The following INSR variants were observed in gnomAD, a reference collection of about 807,000 sequenced individuals.
The protein encoded by INSR is insulin receptor.
Under a neutral mutation model 142.6 loss-of-function variants are expected in INSR, and 67 were observed. That is an observed-to-expected ratio of 0.47 (90% confidence interval 0.39 to 0.58). The LOEUF (loss-of-function observed/expected upper bound fraction) is 0.58. Ranked by LOEUF, INSR falls within the 20% of genes least tolerant of loss-of-function variation. The pLI is 0.00. For missense variants in INSR, 1,248 were observed against 1,833.2 expected, an observed-to-expected ratio of 0.68 and a Z score of 5.83; for synonymous variants, 756 against 743.1, an observed-to-expected ratio of 1.02 and a Z score of -0.28.
At chr19:7,127,623 T>C (rs1972677457) in intron 15 of INSR, among the ~76,000 whole-genome samples, 1 of 152,194 alleles carries the variant, frequency 6.6e-6, no homozygotes, top group Non-Finnish European at 1.5e-5. Context: ...TGTCTACAGC[T>C]TGAATTTAGA....
intron 1 of INSR, among the ~76,000 whole-genome samples, chr19:7,285,943 T>G (rs894359072): frequency 5.3e-5 from 8 of 152,170 alleles, no homozygotes; most frequent in Non-Finnish European, 1.2e-4. Context: ...ATGGTACACC[T>G]TTAAAAAGCC....
At chr19:7,272,033 A>G (rs901575696) in intron 1 of INSR, among the ~76,000 whole-genome samples, 1 of 152,082 alleles carries the variant, frequency 6.6e-6, no homozygotes, top group Non-Finnish European at 1.5e-5. Context: ...GGCTGGCCGC[A>G]GTGGCTCACG....
At chr19:7,201,906 C>T (rs1238155721) in intron 2 of INSR, among the ~76,000 whole-genome samples, 1 of 152,004 alleles carries the variant, frequency 6.6e-6, no homozygotes, top group Non-Finnish European at 1.5e-5. Flanking sequence ...CGTGATCCAC[C>T]CGCCTCGGCC....
At chr19:7,206,180 G>C (rs534005830) in intron 2 of INSR, among the ~76,000 whole-genome samples, 25 of 126,918 alleles carry the variant, frequency 2.0e-4, no homozygotes, top group African/African-American at 5.7e-4. Context: ...CCCTCAGGGA[G>C]TTGAGAGACA....
chr19:7,173,397 C>T (rs2144957770), intron 4 of INSR, among the ~76,000 whole-genome samples: 1 of 152,042 alleles, frequency 6.6e-6, no homozygotes, highest in East Asian at 1.9e-4. Context: ...CGGCTCACTG[C>T]AACCTCTGCC....
rs570876105 is a variant in INSR at position 7,260,029 on chromosome 19, G to A, written c.652+7316C>T. Among the ~76,000 whole-genome samples, 7 of 151,952 alleles carry A rather than the reference G, an allele frequency of 4.6e-5. No individual in the cohort carries two copies. The East Asian group carries it at 1.4e-3, about 29-fold the overall frequency. ...AAATGTAAAAAAATAAAATATCAAG[G>A]CAAACTTTTTAAATGGAAGAAGAAA... On this transcript the variant is annotated intron_variant, in intron 2 of 21. Transcript: ENST00000302850.
chr19:7,129,234 A>T (rs1347227531), intron 14 of INSR, among the ~76,000 whole-genome samples: 1 of 152,140 alleles, frequency 6.6e-6, no homozygotes, highest in Non-Finnish European at 1.5e-5. Context: ...TCCCTCCCAC[A>T]TCTCAGGCAG....
intron 3 of INSR, among the ~76,000 whole-genome samples, chr19:7,180,529 C>CAAAAAAAAAAAAAAAAAAAAAAAAA: frequency 1.1e-5 from 1 of 91,930 alleles, no homozygotes; most frequent in Non-Finnish European, 2.1e-5. Flanking sequence ...GACCTTGTCT[C>CAAAAAAAAAAAAAAAAAAAAAAAAA]AAAAAAAAAA....
chr19:7,160,174 G>T (rs958431314), intron 9 of INSR, among the ~76,000 whole-genome samples: 1 of 151,678 alleles, frequency 6.6e-6, no homozygotes, highest in African/African-American at 2.4e-5. Flanking sequence ...ATTTTTCTTA[G>T]ATGGAGTTTT....
chr19:7,125,976 G>A lies in INSR; in HGVS notation c.3014-449C>T, dbSNP rs143973170. On this transcript the variant is annotated intron_variant, in intron 16 of 21. Coordinates refer to ENST00000302850, the MANE Select transcript of INSR (RefSeq NM_000208.4). This position sits in a 1 kb window ranked among gnomAD's most constrained non-coding sequence, Gnocchi z 4.9. ...GTCTATCTCACCACCCCTTGGCCCT[G>A]GGCATGGCCTTGTGAGTTATTTTGG... 9.7e-4 allele frequency among the ~76,000 whole-genome samples: 147 copies of A among 152,230 alleles called. No individual in the cohort carries two copies. Among genetic ancestry groups the A allele is most frequent in the Admixed American group, 8.7e-3 (133 of 15,276 alleles).
At chr19:7,188,089 G>A (rs73920309) in intron 2 of INSR, among the ~76,000 whole-genome samples, 2,988 of 152,068 alleles carry the variant, frequency 0.02, 97 homozygotes, top group African/African-American at 0.069. Flanking sequence ...GTTCTGGGTG[G>A]AGCACCCTGG....
intron 2 of INSR, among the ~76,000 whole-genome samples, chr19:7,195,722 G>T (rs186000349): frequency 1.4e-4 from 21 of 151,930 alleles, no homozygotes; most frequent in African/African-American, 5.1e-4. Context: ...GGAATTGTGC[G>T]GACTTAAGAG....
At chr19:7,245,687 C>G (rs983387834) in intron 2 of INSR, among the ~76,000 whole-genome samples, 4 of 151,982 alleles carry the variant, frequency 2.6e-5, no homozygotes, top group African/African-American at 7.3e-5. Flanking sequence ...TTCAAGTGAT[C>G]CAGCCACCTC....
intron 2 of INSR, among the ~76,000 whole-genome samples, chr19:7,228,011 C>T (rs981935227): frequency 6.6e-6 from 1 of 152,008 alleles, no homozygotes; most frequent in Admixed American, 6.6e-5. Flanking sequence ...TCAGACTGTC[C>T]CAAATCTAGG....
intron 2 of INSR, among the ~76,000 whole-genome samples, chr19:7,207,938 A>AAGGAAGGAAGGAAGGAAGGG (rs1600018281): frequency 2.4e-5 from 3 of 123,822 alleles, no homozygotes; most frequent in Non-Finnish European, 5.0e-5. Flanking sequence ...GGAAGGAAGG[A>AAGGAAGGAAGGAAGGAAGGG]AGGGAAGGAG....
chr19:7,167,180 A>G (rs1317502523), intron 7 of INSR, among the ~76,000 whole-genome samples: 2 of 152,218 alleles, frequency 1.3e-5, no homozygotes, highest in Non-Finnish European at 2.9e-5. Flanking sequence ...AATCTGTAAT[A>G]ATAGTAATAG....
Position 7,113,610 on chromosome 19 carries a change from C to A in INSR, c.*3446G>T, listed in dbSNP as rs1401733809. ...AATCATAGTGAGACATCTTTAAGAA[C>A]AAGCAACAAAAAGTGTTATCCTAAG... On this transcript the variant is annotated 3_prime_UTR_variant, in exon 22 of 22. Coordinates refer to ENST00000302850, the MANE Select transcript of INSR (RefSeq NM_000208.4). 1 of 152,166 alleles carries A rather than the reference C, an allele frequency of 6.6e-6. No individual in the cohort carries two copies. Among genetic ancestry groups the A allele is most frequent in the African/African-American group, 2.4e-5 (1 of 41,450 alleles). The allele number at this position is 152,166 out of a possible 1,614,324, so 9.4% of individuals were successfully genotyped here.
chr19:7,135,281 A>G (rs12610022), intron 13 of INSR, among the ~76,000 whole-genome samples: 17,699 of 143,368 alleles, frequency 0.12, 1,954 homozygotes, highest in East Asian at 0.58. Flanking sequence ...GCTGCTATCC[A>G]GGACAAAGGG....
intron 3 of INSR, among the ~76,000 whole-genome samples, chr19:7,184,074 A>AAAAAAAAAAAAAAAAG (rs1311565408): frequency 4.0e-5 from 6 of 151,310 alleles, no homozygotes; most frequent in African/African-American, 1.5e-4. Context: ...AAAAAAAAAA[A>AAAAAAAAAAAAAAAAG]AGAATGGTGG....
Sources: gnomAD v4.1 joint callset for allele counts (sites outside exome capture counted in the v4.1 genomes callset) on GRCh38, gnomAD v4.1.1 for gene constraint, Gnocchi (gnomAD v3.1) non-coding constraint, MANE v1.5 for transcripts, NCBI Gene and HGNC (gene_info 2026-07-23, HGNC 2026-07-21) for gene names.